The following SNX29 variants were observed in gnomAD, a reference collection of about 807,000 sequenced individuals.
SNX29 encodes the protein sorting nexin-29.
A neutral mutation model predicts 102.1 loss-of-function variants in SNX29; 78 were observed. That is an observed-to-expected ratio of 0.76 (90% CI 0.64 to 0.92). SNX29 has a LOEUF of 0.92. SNX29 is among the 40% of genes least tolerant of loss of function. The pLI is 0.00. For missense variants in SNX29, 1,280 were observed against 1,061.7 expected, an observed-to-expected ratio of 1.21 and a Z score of -2.86; for synonymous variants, 580 against 414.5, an observed-to-expected ratio of 1.40 and a Z score of -4.85.
intron 20 of SNX29, among the ~76,000 whole-genome samples, chr16:12,549,082 T>G (rs189830946): frequency 1.2e-4 from 19 of 152,302 alleles, no homozygotes; most frequent in African/African-American, 4.3e-4. Flanking sequence ...AGTGTTCGGC[T>G]CCCTGTTACA....
intron 20 of SNX29, among the ~76,000 whole-genome samples, chr16:12,564,526 T>C (rs555567446): frequency 6.6e-6 from 1 of 152,356 alleles, no homozygotes; most frequent in Non-Finnish European, 1.5e-5. Flanking sequence ...TTTCTGACTC[T>C]GAATATGGAG....
intron 7 of SNX29, among the ~76,000 whole-genome samples, chr16:12,049,239 A>T (rs1021856935): frequency 1.8e-4 from 27 of 152,196 alleles, no homozygotes; most frequent in African/African-American, 6.0e-4. Flanking sequence ...CTATAATCCT[A>T]GCACTTTGGG....
intron 19 of SNX29, among the ~76,000 whole-genome samples, chr16:12,513,250 C>G (rs2089712157): frequency 6.7e-6 from 1 of 148,672 alleles, no homozygotes; most frequent in Admixed American, 6.7e-5. Flanking sequence ...GTTTTCTGTC[C>G]TCCTCTCCCC....
At chr16:12,080,754 C>T (rs930194544) in intron 11 of SNX29, among the ~76,000 whole-genome samples, 11 of 149,308 alleles carry the variant, frequency 7.4e-5, no homozygotes, top group Non-Finnish European at 1.3e-4. Context: ...TGCAATGGCA[C>T]GATCTCAGCT....
At chr16:12,287,203 G>A (rs1934152246) in intron 15 of SNX29, among the ~76,000 whole-genome samples, 1 of 152,122 alleles carries the variant, frequency 6.6e-6, no homozygotes, top group African/African-American at 2.4e-5. Flanking sequence ...CACTACACAG[G>A]CCCTGGGAAA....
At chr16:11,980,498 C>A (rs2055390616) in intron 1 of SNX29, among the ~76,000 whole-genome samples, 1 of 152,126 alleles carries the variant, frequency 6.6e-6, no homozygotes, top group African/African-American at 2.4e-5. Flanking sequence ...TTTGTGGGGG[C>A]AAGTCTCTTC....
chr16:12,136,598 T>A (rs2054669605), intron 13 of SNX29, among the ~76,000 whole-genome samples: 1 of 152,366 alleles, frequency 6.6e-6, no homozygotes, highest in African/African-American at 2.4e-5. Context: ...CGCCGCCCTC[T>A]GCGCACTGGT....
At chr16:12,434,046 C>G (rs933468722) in intron 18 of SNX29, among the ~76,000 whole-genome samples, 1 of 152,178 alleles carries the variant, frequency 6.6e-6, no homozygotes, top group Non-Finnish European at 1.5e-5. Flanking sequence ...TGTTCTCTTG[C>G]CCAGACCTAG....
intron 20 of SNX29, among the ~76,000 whole-genome samples, chr16:12,538,061 G>C (rs890951907): frequency 4.6e-5 from 7 of 151,796 alleles, no homozygotes; most frequent in Non-Finnish European, 8.8e-5. Context: ...ATCGATCTTG[G>C]TGACAGCTTT....
At position 12,541,269 on chromosome 16, in the gene SNX29, C is replaced by T. The variant is rs953963817; in HGVS notation, c.2318+16428C>T. Among the ~76,000 whole-genome samples, 3 of 152,128 alleles carry T rather than the reference C, an allele frequency of 2.0e-5. No homozygotes were observed. The South Asian group carries it at 6.2e-4, about 32-fold the overall frequency. ...TCATATCTTATCAGGGAGAGAATGA[C>T]AGGAGCAGGGGAATACCACTAACAG... On this transcript the variant is annotated intron_variant, in intron 20 of 20. Transcript: ENST00000566228.
At chr16:12,559,011 G>C (rs2078551879) in intron 20 of SNX29, among the ~76,000 whole-genome samples, 11 of 152,166 alleles carry the variant, frequency 7.2e-5, no homozygotes, top group Admixed American at 7.2e-4. Flanking sequence ...ATGGGGGAGA[G>C]AGACAAAAGA....
intron 13 of SNX29, among the ~76,000 whole-genome samples, chr16:12,189,192 A>G (rs759781958): frequency 6.6e-6 from 1 of 152,242 alleles, no homozygotes. Flanking sequence ...TAATAACAAT[A>G]TAACAATCAG....
chr16:12,206,963 C>G (rs149520664), intron 14 of SNX29, among the ~76,000 whole-genome samples: 1 of 152,110 alleles, frequency 6.6e-6, no homozygotes, highest in Non-Finnish European at 1.5e-5. Flanking sequence ...CTGACACTCT[C>G]TGATTCTTGG....
At position 12,106,789 on chromosome 16, in the gene SNX29, T is replaced by A. The variant is rs540679414; in HGVS notation, c.1403-19844T>A. Among the ~76,000 whole-genome samples the A allele has an allele frequency of 6.7e-4, 101 of 151,392 alleles. 1 individual carries two copies. Among genetic ancestry groups the A allele is most frequent in the African/African-American group, 2.3e-3 (95 of 41,246 alleles). ...AGCCACCATGCCTCGCCCCTTTTATTTAAGGGTATACCCCCAACTTCCAGT... is the reference window on the plus strand; with the variant it reads ...AGCCACCATGCCTCGCCCCTTTTATATAAGGGTATACCCCCAACTTCCAGT... On this transcript the variant is annotated intron_variant, in intron 11 of 20. Coordinates refer to ENST00000566228, the MANE Select transcript of SNX29 (RefSeq NM_032167.5).
chr16:12,377,282 A>G (rs1567498690), intron 16 of SNX29, among the ~76,000 whole-genome samples: 1 of 152,108 alleles, frequency 6.6e-6, no homozygotes, highest in East Asian at 1.9e-4. Flanking sequence ...AAACACATAG[A>G]TTTCTGTCTC....
chr16:12,518,790 C>T (rs2089978460), intron 19 of SNX29, among the ~76,000 whole-genome samples: 1 of 152,152 alleles, frequency 6.6e-6, no homozygotes, highest in South Asian at 2.1e-4. Context: ...TAGGAGCTAC[C>T]CCATCGCTGT....
chr16:12,204,024 C>T (rs566496913), intron 14 of SNX29, among the ~76,000 whole-genome samples: 1 of 152,292 alleles, frequency 6.6e-6, no homozygotes, highest in South Asian at 2.1e-4. Flanking sequence ...GATCTCAGGG[C>T]GTTAGTACAC....
At chr16:12,562,078 C>T (rs796430787) in intron 20 of SNX29, among the ~76,000 whole-genome samples, 24 of 152,258 alleles carry the variant, frequency 1.6e-4, no homozygotes, top group African/African-American at 5.3e-4. Flanking sequence ...TGTTTTCTGC[C>T]CAGTAGTTTG....
intron 15 of SNX29, among the ~76,000 whole-genome samples, chr16:12,329,655 A>C (rs1367645410): frequency 6.6e-6 from 1 of 152,234 alleles, no homozygotes; most frequent in Non-Finnish European, 1.5e-5. Flanking sequence ...GTGTCTATCC[A>C]TGCCAGCTGC....
Sources: gnomAD v4.1 joint callset for allele counts (sites outside exome capture counted in the v4.1 genomes callset) on GRCh38, gnomAD v4.1.1 for gene constraint, MANE v1.5 for transcripts, NCBI Gene and HGNC (gene_info 2026-07-23, HGNC 2026-07-21) for gene names.